MYLK4: variants seen among roughly 807,000 people sequenced by gnomAD.
The protein encoded by MYLK4 is myosin light chain kinase family member 4, also known as caMLCK like.
In MYLK4, 46 loss-of-function variants were observed where a neutral mutation model predicts 48.1. That is an observed-to-expected ratio of 0.96 (90% confidence interval 0.75 to 1.22). The LOEUF (loss-of-function observed/expected upper bound fraction) is 1.22, where lower values mean the gene tolerates loss of function less well. Ranked by LOEUF, MYLK4 falls within the 50% of genes most tolerant of loss-of-function variation. The probability of loss-of-function intolerance (pLI) is 0.00; values close to 1 mark genes in which losing one functional copy is unlikely to be tolerated. For synonymous variants in MYLK4, 170 were observed against 180.8 expected, an observed-to-expected ratio of 0.94 and a Z score of 0.48; for missense variants, 451 against 486.1, an observed-to-expected ratio of 0.93 and a Z score of 0.68.
At position 2,683,387 on chromosome 6, in the gene MYLK4, C is replaced by CTT. The variant is rs138132269; in HGVS notation, c.546-227_546-226dup. Reference sequence around the variant, plus strand: ...GGAAATCCTCAAGCCAACTCCCCACCTTTTTGTGTGTGTGTGTGTGTGTGT... The same window carrying CTT: ...GGAAATCCTCAAGCCAACTCCCCACCTTTTTTTGTGTGTGTGTGTGTGTGTGT... On this transcript the variant is annotated intron_variant, in intron 6 of 12. Transcript: ENST00000274643. Among the ~76,000 whole-genome samples the CTT allele has an allele frequency of 1.7e-3, 150 of 86,284 alleles. 5 individuals are homozygous for CTT. The highest frequency in any genetic ancestry group is 4.5e-3 in the African/African-American group (120 of 26,712). The allele number at this position is 86,284 out of a possible 152,430, so 56.6% of individuals were successfully genotyped here. A position where few individuals can be genotyped will look rare whatever the true frequency, so the allele number is the denominator to read the frequency against.
the MYLK4 span, chr6:2,766,213 C>T: frequency 2.0e-6 from 3 of 1,469,280 alleles, no homozygotes; most frequent in African/African-American, 4.4e-5. Context: ...CCGAAGCCGC[C>T]ACCGCCTTCG....
At position 2,672,195 on chromosome 6, in the gene MYLK4, C is replaced by T. The variant is rs1473368876; in HGVS notation, c.1120-847G>A. Among the ~76,000 whole-genome samples, 3 of 152,272 alleles carry T rather than the reference C, an allele frequency of 2.0e-5. No homozygotes were observed. The highest frequency in any genetic ancestry group is 7.2e-5 in the African/African-American group (3 of 41,566). On this transcript the variant is annotated intron_variant, in intron 11 of 12. Transcript: ENST00000274643. The surrounding 1 kb of genome is among the most constrained non-coding windows in gnomAD (Gnocchi z 4.3). ...GAAAGAAAACATGTCAAATTTGTGT[C>T]GTGTTCCTTCCTCTGGCCCCAGAAC...
In MYLK4 at chr6:2,663,788, T is replaced by A. The variant is rs180847746; in HGVS notation, c.*4137A>T. ...ATCACCACGTTATGAATCCTTTTTT[T>A]AATTTCTTATCAACACCAATAAACC... On this transcript the variant is annotated 3_prime_UTR_variant, in exon 13 of 13. Transcript: ENST00000274643. 8 of 152,786 alleles carry A rather than the reference T, an allele frequency of 5.2e-5. No homozygotes were observed. The East Asian group carries it at 5.8e-4, about 11-fold the overall frequency. The allele number at this position is 152,786 out of a possible 1,614,324, so 9.5% of individuals were successfully genotyped here.
rs200299518 is a variant in MYLK4 at position 2,678,274 on chromosome 6, T to C, written c.986A>G (p.Asp329Gly). 2.5e-6 allele frequency: 4 copies of C among 1,614,106 alleles called. No homozygotes were observed. In the East Asian group the frequency reaches 6.7e-5, roughly 27 times the overall value. ...GAACTCCTTGGCCTCCTCCGAGATG[T>C]CCTGAAATTCTTCATCCTCTAAGTC... Reference protein sequence around the residue: ...RWDLEDEEFQDISEEAKEFIS... With the variant: ...RWDLEDEEFQGISEEAKEFIS... The change falls in exon 10 of 13, where the codon GAC becomes GGC. Residue 329 changes from aspartate (D) to glycine (G), a missense_variant. Transcript: ENST00000274643.
chr6:2,703,686 T>TTTTG (rs1762385240), intron 2 of MYLK4, among the ~76,000 whole-genome samples: 1 of 142,720 alleles, frequency 7.0e-6, no homozygotes, highest in African/African-American at 2.6e-5. Context: ...TTTTTTTTTT[T>TTTTG]TTTGAGACGG....
chr6:2,763,318 G>A, the MYLK4 span, among the ~76,000 whole-genome samples: 4 of 152,268 alleles, frequency 2.6e-5, no homozygotes, highest in African/African-American at 7.2e-5. Context: ...TTGCTTGCTA[G>A]TCCCACGTAA....
intron 2 of MYLK4, among the ~76,000 whole-genome samples, chr6:2,695,559 A>G (rs1685060315): frequency 6.6e-6 from 1 of 152,210 alleles, no homozygotes; most frequent in African/African-American, 2.4e-5. Flanking sequence ...TTTAGTAATT[A>G]TATATCACAT....
chr6:2,710,699 G>T (rs1199164664), intron 2 of MYLK4, among the ~76,000 whole-genome samples: 1 of 152,158 alleles, frequency 6.6e-6, no homozygotes, highest in African/African-American at 2.4e-5. Flanking sequence ...TCCCTGGCAA[G>T]ACTCAAAATC....
At position 2,675,633 on chromosome 6, in the gene MYLK4, T is replaced by C. The variant is rs561679667; in HGVS notation, c.1041-508A>G. On this transcript the variant is annotated intron_variant, in intron 10 of 12. Transcript: ENST00000274643. Reference sequence around the variant, plus strand: ...AATTATTAAGAGAGGGACCATTAGATACTTTTATGAAGAAACAATATCCTT... The same window carrying C: ...AATTATTAAGAGAGGGACCATTAGACACTTTTATGAAGAAACAATATCCTT... Among the ~76,000 whole-genome samples the C allele has an allele frequency of 4.6e-5, 7 of 152,320 alleles. No individual in the cohort carries two copies. The South Asian group carries it at 1.5e-3, about 32-fold the overall frequency.
At chr6:2,743,168 A>G (rs1763957066) in intron 2 of MYLK4, among the ~76,000 whole-genome samples, 1 of 152,194 alleles carries the variant, frequency 6.6e-6, no homozygotes, top group African/African-American at 2.4e-5. Context: ...TGATAATGAA[A>G]ACAAGGCTGA....
In MYLK4 at chr6:2,664,475, C is replaced by T. The variant is rs1760569441; in HGVS notation, c.*3450G>A. On this transcript the variant is annotated 3_prime_UTR_variant, in exon 13 of 13. Transcript: ENST00000274643. ...TTGGCCCCCAGCACACGCATGCACA[C>T]TGGCACCCGTGCTGCGTGGCTGGGG... The T allele has an allele frequency of 6.6e-6, 1 of 152,164 alleles. No homozygotes were observed. The highest frequency in any genetic ancestry group is 2.4e-5 in the African/African-American group (1 of 41,434). The allele number at this position is 152,164 out of a possible 1,614,324, so 9.4% of individuals were successfully genotyped here. A position where few individuals can be genotyped will look rare whatever the true frequency, so the allele number is the denominator to read the frequency against.
intron 2 of MYLK4, among the ~76,000 whole-genome samples, chr6:2,738,080 C>A (rs1395024799): frequency 6.8e-6 from 1 of 147,384 alleles, no homozygotes; most frequent in Admixed American, 7.1e-5. Context: ...GAGGCAGAAA[C>A]GAAATTCCAG....
intron 2 of MYLK4, among the ~76,000 whole-genome samples, chr6:2,698,974 TA>T (rs1249796332): frequency 6.6e-6 from 1 of 152,212 alleles, no homozygotes; most frequent in East Asian, 1.9e-4. Context: ...CAGAACTCAG[TA>T]AGTGGATCCT....
At chr6:2,740,253 C>T (rs1040182973) in intron 2 of MYLK4, among the ~76,000 whole-genome samples, 3 of 152,182 alleles carry the variant, frequency 2.0e-5, no homozygotes, top group East Asian at 1.9e-4. Flanking sequence ...TTGTCCTCCG[C>T]GCATGCTCTC....
intron 2 of MYLK4, among the ~76,000 whole-genome samples, chr6:2,731,282 A>G (rs1403522364): frequency 6.6e-6 from 1 of 152,180 alleles, no homozygotes; most frequent in Admixed American, 6.5e-5. Flanking sequence ...GAATATTATC[A>G]GGAAATGGGA....
At chr6:2,696,102 T>TA (rs1315661536) in intron 2 of MYLK4, among the ~76,000 whole-genome samples, 2 of 152,248 alleles carry the variant, frequency 1.3e-5, no homozygotes, top group Non-Finnish European at 1.5e-5. Flanking sequence ...CAATTCCTTT[T>TA]ATAATAATTT....
At chr6:2,732,688 G>T (rs1303691842) in intron 2 of MYLK4, among the ~76,000 whole-genome samples, 1 of 151,846 alleles carries the variant, frequency 6.6e-6, no homozygotes, top group Non-Finnish European at 1.5e-5. Flanking sequence ...AGCCTGAGGA[G>T]GGTGTCAGAC....
At chr6:2,725,603 G>C (rs199513780) in intron 2 of MYLK4, among the ~76,000 whole-genome samples, 12,876 of 145,180 alleles carry the variant, frequency 0.089, 807 homozygotes, top group East Asian at 0.31. Flanking sequence ...AAGAAAGAAA[G>C]AAACAAACAA....
Position 2,692,845 on chromosome 6 carries a change from C to T in MYLK4, c.174G>A (p.Trp58Ter). Reference protein sequence around the residue: ...RSGHNEAKEVWSNADLTERMP... With the variant: ...RSGHNEAKEV Reference sequence around the variant, plus strand: ...TCCTTTCCGTCAGGTCGGCGTTTGACCACACCTCCTTCGCCTGTGGAGGCA... The same window carrying T: ...TCCTTTCCGTCAGGTCGGCGTTTGATCACACCTCCTTCGCCTGTGGAGGCA... The change falls in exon 3 of 13, where the codon TGG becomes TGA. Residue 58 changes from tryptophan (W) to a stop codon, truncating the protein, a stop_gained. Coordinates refer to ENST00000274643, the MANE Select transcript of MYLK4 (RefSeq NM_001012418.5). LOFTEE classifies it high-confidence loss of function. 2 of 1,613,336 alleles carry T rather than the reference C, an allele frequency of 1.2e-6. No individual in the cohort carries two copies. The highest frequency in any genetic ancestry group is 1.3e-5 in the African/African-American group (1 of 75,030).
Sources: gnomAD v4.1 joint callset for allele counts (sites outside exome capture counted in the v4.1 genomes callset) on GRCh38, gnomAD v4.1.1 for gene constraint, Gnocchi (gnomAD v3.1) non-coding constraint, MANE v1.5 for transcripts, NCBI Gene and HGNC (gene_info 2026-07-23, HGNC 2026-07-21) for gene names.